Variants in NRG3 observed in about 807,000 individuals in gnomAD.
NRG3 encodes the protein pro-neuregulin-3, membrane-bound isoform.
In NRG3, 31 loss-of-function variants were observed where a neutral mutation model predicts 66.9. That is an observed-to-expected ratio of 0.46 (90% CI 0.35 to 0.63). The LOEUF is 0.63. NRG3 is among the 20% of genes least tolerant of loss of function. The probability of loss-of-function intolerance (pLI) is 0.00; values close to 1 mark genes in which losing one functional copy is unlikely to be tolerated. For missense variants in NRG3, 910 were observed against 878.9 expected, an observed-to-expected ratio of 1.04 and a Z score of -0.45; for synonymous variants, 393 against 359.4, an observed-to-expected ratio of 1.09 and a Z score of -1.06.
At chr10:82,529,056 T>C (rs1847003949) in intron 2 of NRG3, among the ~76,000 whole-genome samples, 1 of 152,236 alleles carries the variant, frequency 6.6e-6, no homozygotes, top group South Asian at 2.1e-4. Flanking sequence ...GCTTCCAATA[T>C]AGTCTTACCT....
chr10:82,419,484 C>T (rs770398939), intron 2 of NRG3, among the ~76,000 whole-genome samples: 9 of 152,128 alleles, frequency 5.9e-5, no homozygotes, highest in Non-Finnish European at 1.2e-4. Context: ...CTAAATGTTT[C>T]TGTACTTTTG....
intron 1 of NRG3, among the ~76,000 whole-genome samples, chr10:81,996,719 A>C (rs1040087317): frequency 2.0e-5 from 3 of 152,074 alleles, no homozygotes; most frequent in African/African-American, 7.2e-5. Flanking sequence ...AGAAAGGGAG[A>C]GAGAAAGGAG....
chr10:82,480,579 T>A (rs1406574890), intron 2 of NRG3, among the ~76,000 whole-genome samples: 1 of 152,194 alleles, frequency 6.6e-6, no homozygotes, highest in Non-Finnish European at 1.5e-5. Flanking sequence ...TATATGAGAA[T>A]CATTTTCTCA....
intron 2 of NRG3, among the ~76,000 whole-genome samples, chr10:82,420,764 C>A (rs375071351): frequency 1.5e-4 from 23 of 152,088 alleles, no homozygotes; most frequent in African/African-American, 4.8e-4. Flanking sequence ...TGGAAACAAC[C>A]CAAATTTCCT....
intron 2 of NRG3, among the ~76,000 whole-genome samples, chr10:82,476,129 G>T (rs1374737422): frequency 6.6e-6 from 1 of 152,088 alleles, no homozygotes; most frequent in Admixed American, 6.6e-5. Flanking sequence ...TCAAAAGCAT[G>T]AAAACATAGT....
chr10:82,192,997 G>GAGAA lies in NRG3; in HGVS notation c.824-165742_824-165741insAGAA, dbSNP rs113323604. 1.8e-3 allele frequency among the ~76,000 whole-genome samples: 222 copies of GAGAA among 122,972 alleles called. 6 individuals are homozygous for GAGAA. The highest frequency in any genetic ancestry group is 6.5e-3 in the African/African-American group (195 of 29,806). 80.7% of individuals were successfully genotyped at this position (122,972 alleles called of 152,430 possible). On this transcript the variant is annotated intron_variant, in intron 1 of 8. Transcript: ENST00000372141. ...TGAGAGAGAGAGAGAGAGAGAGAGA[G>GAGAA]TTTGTGAGGTGTGCTGGAAGAGGTA...
chr10:81,943,009 C>G (rs1052733887), intron 1 of NRG3, among the ~76,000 whole-genome samples: 2 of 152,144 alleles, frequency 1.3e-5, no homozygotes, highest in Non-Finnish European at 2.9e-5. Flanking sequence ...CCTATAACCT[C>G]TATTTTTGTG....
intron 1 of NRG3, among the ~76,000 whole-genome samples, chr10:82,321,304 G>A (rs1349602159): frequency 6.9e-6 from 1 of 144,166 alleles, no homozygotes; most frequent in Non-Finnish European, 1.5e-5. Context: ...GCAGGGGTGG[G>A]GGTGGGGGTC....
chr10:82,061,083 T>A (rs1455308681), intron 1 of NRG3, among the ~76,000 whole-genome samples: 1 of 152,196 alleles, frequency 6.6e-6, no homozygotes, highest in Non-Finnish European at 1.5e-5. Flanking sequence ...TAATCTTTGG[T>A]GGCTTACGTC....
At chr10:81,880,326 G>T (rs1299525553) in intron 1 of NRG3, among the ~76,000 whole-genome samples, 1 of 152,072 alleles carries the variant, frequency 6.6e-6, no homozygotes, top group Non-Finnish European at 1.5e-5. Flanking sequence ...GTTGTTAATT[G>T]AGAGTCCCTT....
At chr10:82,672,669 A>C (rs567553218) in intron 2 of NRG3, among the ~76,000 whole-genome samples, 12 of 152,214 alleles carry the variant, frequency 7.9e-5, no homozygotes, top group East Asian at 1.9e-4. Context: ...AAAACAAATC[A>C]AAACAAAACA....
chr10:82,302,777 T>G (rs1006331793), intron 1 of NRG3, among the ~76,000 whole-genome samples: 1 of 152,206 alleles, frequency 6.6e-6, no homozygotes, highest in African/African-American at 2.4e-5. Context: ...AGAAAGGACG[T>G]TTGCCCCAAT....
chr10:82,722,999 C>T lies in NRG3; in HGVS notation c.954-15578C>T, dbSNP rs565698181. On this transcript the variant is annotated intron_variant, in intron 2 of 8. Transcript: ENST00000372141. ...TATATTTAAGAGAAAATAAATTGTTCTACCAAAAGACCCATGCACTTGCAT... is the reference window on the plus strand; with the variant it reads ...TATATTTAAGAGAAAATAAATTGTTTTACCAAAAGACCCATGCACTTGCAT... Among the ~76,000 whole-genome samples the T allele has an allele frequency of 3.1e-3, 471 of 152,236 alleles. 2 individuals are homozygous for T. Among genetic ancestry groups the T allele is most frequent in the African/African-American group, 0.011 (445 of 41,542 alleles).
chr10:82,712,424 G>C lies in NRG3; in HGVS notation c.954-26153G>C, dbSNP rs578193611. On this transcript the variant is annotated intron_variant, in intron 2 of 8. Transcript: ENST00000372141. ...TTCACATTATGTAATAGTTACATAGGGCTGTGAATCTCAAACCTTCGGGTG... is the reference window on the plus strand; with the variant it reads ...TTCACATTATGTAATAGTTACATAGCGCTGTGAATCTCAAACCTTCGGGTG... 2.0e-5 allele frequency among the ~76,000 whole-genome samples: 3 copies of C among 152,258 alleles called. No individual in the cohort carries two copies. The South Asian group carries it at 6.2e-4, about 32-fold the overall frequency.
chr10:81,897,075 A>G (rs1473989771), intron 1 of NRG3, among the ~76,000 whole-genome samples: 14 of 152,316 alleles, frequency 9.2e-5, no homozygotes, highest in Non-Finnish European at 5.9e-5. Flanking sequence ...AGTTCAAATT[A>G]GAAGAAGCCA....
chr10:82,845,528 G>A (rs1401480069), intron 3 of NRG3, among the ~76,000 whole-genome samples: 2 of 150,738 alleles, frequency 1.3e-5, no homozygotes, highest in African/African-American at 4.9e-5. Flanking sequence ...AACATGCCTG[G>A]GCAGGCAAAA....
In NRG3 at chr10:82,450,692, C is replaced by T. The variant is rs186851361; in HGVS notation, c.953+91824C>T. 2.9e-3 allele frequency among the ~76,000 whole-genome samples: 441 copies of T among 152,248 alleles called. 2 individuals are homozygous for T. Among genetic ancestry groups the T allele is most frequent in the African/African-American group, 8.8e-3 (365 of 41,550 alleles). On this transcript the variant is annotated intron_variant, in intron 2 of 8. Transcript: ENST00000372141. ...ATTTTTAAAAAAGGCACTTTAAATA[C>T]GTTTATTGATTGCATAATTAGTGTG...
chr10:81,925,458 G>C (rs1846673626), intron 1 of NRG3, among the ~76,000 whole-genome samples: 1 of 152,172 alleles, frequency 6.6e-6, no homozygotes, highest in Admixed American at 6.5e-5. Context: ...GTATGGACTT[G>C]GATCTAATTC....
At chr10:82,696,778 A>C (rs1218073156) in intron 2 of NRG3, among the ~76,000 whole-genome samples, 2 of 152,202 alleles carry the variant, frequency 1.3e-5, no homozygotes, top group Non-Finnish European at 2.9e-5. Flanking sequence ...TGGGAAAAAG[A>C]AAATGAGCAA....
Sources: allele counts gnomAD v4.1 joint callset (sites outside exome capture counted in the v4.1 genomes callset), GRCh38; gene constraint gnomAD v4.1.1; transcripts MANE v1.5; gene names NCBI Gene and HGNC (gene_info 2026-07-23, HGNC 2026-07-21).